HOMER2: variants seen among roughly 807,000 people sequenced by gnomAD.
The protein encoded by HOMER2 is homer scaffold protein 2.
HOMER2 carries 27 observed loss-of-function variants against 47.0 expected under a neutral mutation model. That is an observed-to-expected ratio of 0.57 (90% CI 0.42 to 0.79). The LOEUF (loss-of-function observed/expected upper bound fraction) is 0.79. Ranked by LOEUF, HOMER2 falls within the 30% of genes least tolerant of loss-of-function variation. HOMER2 has a pLI of 0.00. For synonymous variants in HOMER2, 161 were observed against 163.8 expected (o/e 0.98, Z 0.13); for missense variants, 443 against 435.0 (o/e 1.02, Z -0.16).
chr15:82,985,065 G>T (rs2030543733), intron 1 of HOMER2, among the ~76,000 whole-genome samples: 1 of 152,176 alleles, frequency 6.6e-6, no homozygotes, highest in African/African-American at 2.4e-5. Flanking sequence ...ATAATGGAAA[G>T]AATTTCAACA....
At chr15:82,849,949 A>C in intron 8 of HOMER2, 46 bp from the exon 9 acceptor site, 1 of 1,584,394 alleles carries the variant, frequency 6.3e-7, no homozygotes, top group South Asian at 1.1e-5. Flanking sequence ...GAGTGACGAG[A>C]GTCATCCTTC....
chr15:82,864,620 T>C (rs2051904070), intron 3 of HOMER2, among the ~76,000 whole-genome samples: 1 of 152,192 alleles, frequency 6.6e-6, no homozygotes, highest in Non-Finnish European at 1.5e-5. Context: ...TCTAGATGAA[T>C]ACTAAGTATT....
At chr15:82,895,444 T>A (rs1466431181) in intron 1 of HOMER2, among the ~76,000 whole-genome samples, 1 of 152,202 alleles carries the variant, frequency 6.6e-6, no homozygotes, top group African/African-American at 2.4e-5. Context: ...TATAATCCAG[T>A]CTGCAGTCTG....
At chr15:82,943,808 G>GA (rs2054314397) in intron 1 of HOMER2, among the ~76,000 whole-genome samples, 1 of 152,238 alleles carries the variant, frequency 6.6e-6, no homozygotes, top group Non-Finnish European at 1.5e-5. Context: ...GCAGGGCAAA[G>GA]AAAGGGGCCT....
At chr15:82,953,973 G>C (rs1480849540), upstream of HOMER2, among the ~76,000 whole-genome samples, 1 of 152,050 alleles carries the variant, frequency 6.6e-6, no homozygotes, top group Non-Finnish European at 1.5e-5. Flanking sequence ...CTACTCGGGA[G>C]GCTTGATGCA....
In HOMER2 at chr15:82,851,230, T is replaced by C. The variant is rs79448007; in HGVS notation, c.764A>G (p.Glu255Gly). The change falls in exon 8 of 9, where the codon GAG becomes GGG. Residue 255 changes from glutamate (E) to glycine (G), a missense_variant and splice_region_variant. Transcript: ENST00000450735. ...LEAELREKET[E>G]LKDLRKQSEI... ...ACTTTGTTTTCGGAGATCTTTCAGC[T>C]CCTACATGAAAAAAATTTGAGATAG... The C allele has an allele frequency of 5.9e-3, 9,130 of 1,554,960 alleles. 46 individuals are homozygous for C. Among genetic ancestry groups the C allele is most frequent in the Non-Finnish European group, 6.2e-3 (7,117 of 1,147,176 alleles).
intron 2 of HOMER2, among the ~76,000 whole-genome samples, chr15:82,877,610 A>G (rs570193154): frequency 1.3e-5 from 2 of 152,310 alleles, no homozygotes; most frequent in African/African-American, 4.8e-5. Context: ...CTCATTTTAT[A>G]CACGATGAAG....
chr15:82,948,130 G>A (rs763586757), intron 1 of HOMER2, among the ~76,000 whole-genome samples: 25 of 151,998 alleles, frequency 1.6e-4, no homozygotes, highest in Middle Eastern at 3.4e-3. Flanking sequence ...GGTGGCTGAT[G>A]CCTGTAATCC....
chr15:82,913,709 T>C lies in HOMER2; in HGVS notation c.6-20868A>G, dbSNP rs895143550. 1.3e-5 allele frequency among the ~76,000 whole-genome samples: 2 copies of C among 152,202 alleles called. No homozygotes were observed. The highest frequency in any genetic ancestry group is 4.8e-5 in the African/African-American group (2 of 41,430). On this transcript the variant is annotated intron_variant, in intron 1 of 8. Coordinates refer to ENST00000450735, the MANE Select transcript of HOMER2 (RefSeq NM_004839.4). This position sits in a 1 kb window ranked among gnomAD's most constrained non-coding sequence, Gnocchi z 4.1. ...GCTGCAGTCCCTCCATCCTGGACCC[T>C]TCCTCCAGAATCCCCCACTGCCAGT...
At chr15:82,979,086 A>G (rs776256783) in intron 1 of HOMER2, among the ~76,000 whole-genome samples, 1 of 152,184 alleles carries the variant, frequency 6.6e-6, no homozygotes, top group South Asian at 2.1e-4. Context: ...TCCTGCCACC[A>G]TATAAAGAAG....
intron 8 of HOMER2, among the ~76,000 whole-genome samples, chr15:82,850,832 C>T (rs769846240): frequency 2.0e-5 from 3 of 152,230 alleles, no homozygotes; most frequent in Non-Finnish European, 2.9e-5. Flanking sequence ...GCCCCACACC[C>T]TGACCCTGGG....
chr15:82,837,441 C>T (rs926260303), exon 2 of HOMER2: 2 of 152,102 alleles, frequency 1.3e-5, no homozygotes, highest in Admixed American at 6.5e-5. Context: ...TGGGATGGGC[C>T]GGCAACACAA....
At chr15:82,881,537 GAAGAA>G (rs2052521845) in intron 2 of HOMER2, among the ~76,000 whole-genome samples, 2 of 152,202 alleles carry the variant, frequency 1.3e-5, no homozygotes, top group South Asian at 2.1e-4. Context: ...CACAGACAGC[GAAGAA>G]AAGAAATATT....
chr15:82,872,131 C>G (rs894135096), intron 3 of HOMER2, among the ~76,000 whole-genome samples: 6 of 152,122 alleles, frequency 3.9e-5, no homozygotes, highest in African/African-American at 1.4e-4. Context: ...AAGGGAGTTC[C>G]CAACACACCC....
intron 2 of HOMER2, 119 bp from the exon 3 acceptor site, chr15:82,875,523 A>T (rs2052320776): frequency 1.9e-6 from 2 of 1,072,658 alleles, no homozygotes; most frequent in Admixed American, 4.8e-5. Flanking sequence ...GCCCTGTTAA[A>T]TTTGGTCCCG....
At chr15:82,920,978 C>A (rs2053713851) in intron 1 of HOMER2, among the ~76,000 whole-genome samples, 1 of 151,724 alleles carries the variant, frequency 6.6e-6, no homozygotes, top group African/African-American at 2.4e-5. Flanking sequence ...CAGCTTAAAA[C>A]AATTGTTTTA....
chr15:82,938,174 C>G (rs920876792), intron 1 of HOMER2, among the ~76,000 whole-genome samples: 1 of 152,146 alleles, frequency 6.6e-6, no homozygotes, highest in African/African-American at 2.4e-5. Context: ...GAGTTTGAGA[C>G]CAGCCTGGCC....
chr15:82,863,672 A>C (rs943671579), intron 4 of HOMER2, among the ~76,000 whole-genome samples: 5 of 152,218 alleles, frequency 3.3e-5, no homozygotes, highest in African/African-American at 1.2e-4. Context: ...GGTCCTTTTC[A>C]GTCAATCTTC....
chr15:82,836,888 G>A (rs1199880612), downstream of HOMER2: 1 of 152,270 alleles, frequency 6.6e-6, no homozygotes, highest in Non-Finnish European at 1.5e-5. Context: ...GTGTGTAAAA[G>A]CACATGAGAG....
Sources: gnomAD v4.1 joint callset for allele counts (sites outside exome capture counted in the v4.1 genomes callset) on GRCh38, gnomAD v4.1.1 for gene constraint, Gnocchi (gnomAD v3.1) non-coding constraint, MANE v1.5 for transcripts, NCBI Gene and HGNC (gene_info 2026-07-23, HGNC 2026-07-21) for gene names.